HEATR6: variants seen among roughly 807,000 people sequenced by gnomAD.
HEATR6 encodes HEAT repeat-containing protein 6.
In HEATR6, 106 loss-of-function variants were observed where a neutral mutation model predicts 132.8. The ratio of observed to expected loss-of-function variants is 0.80; its 90% CI spans 0.68 to 0.94. The LOEUF (loss-of-function observed/expected upper bound fraction) is 0.94, where lower values mean the gene tolerates loss of function less well. HEATR6 is among the 40% of genes least tolerant of loss of function. The pLI is 0.00. For missense variants in HEATR6, 1,339 were observed against 1,425.1 expected (o/e 0.94, Z 0.97); for synonymous variants, 529 against 537.8 (o/e 0.98, Z 0.23).
Position 60,056,245 on chromosome 17 carries a change from G to A in HEATR6, c.2080-8C>T. On this transcript the variant is annotated splice_region_variant and splice_polypyrimidine_tract_variant and intron_variant, in intron 12 of 19. Transcript: ENST00000184956. ...TGCCAGAAGAGTCAATACCTGCAAA[G>A]AGAGCATGGAATTAACCCTCTAAGA... 1 of 1,612,548 alleles carries A rather than the reference G, an allele frequency of 6.2e-7. No individual in the cohort carries two copies. The highest frequency in any genetic ancestry group is 8.5e-7 in the Non-Finnish European group (1 of 1,179,386).
intron 11 of HEATR6, 84 bp from the exon 12 acceptor site, chr17:60,057,487 T>C (rs1055337711): frequency 1.1e-6 from 1 of 894,368 alleles, no homozygotes; most frequent in African/African-American, 1.7e-5. Context: ...AATTAAAAAT[T>C]AGTAGTTCCT....
chr17:60,041,448 T>C lies in HEATR6; in HGVS notation c.*2115A>G, dbSNP rs1906169787. Among the ~76,000 whole-genome samples the C allele has an allele frequency of 6.6e-6, 1 of 152,206 alleles. No homozygotes were observed. The highest frequency in any genetic ancestry group is 1.5e-5 in the Non-Finnish European group (1 of 68,042). ...ATAAGCTGTCTATGCCATATTTTTTTTTTCCTTTTTTGAAAATGCCAAGAA... is the reference window on the plus strand; with the variant it reads ...ATAAGCTGTCTATGCCATATTTTTTCTTTCCTTTTTTGAAAATGCCAAGAA... On this transcript the variant is annotated 3_prime_UTR_variant, in exon 20 of 20. Transcript: ENST00000184956.
chr17:60,076,742 G>A (rs2083299182), intron 1 of HEATR6: 1 of 152,676 alleles, frequency 6.5e-6, no homozygotes, highest in African/African-American at 2.4e-5. Context: ...AAAAGAATCA[G>A]TACGGTTTTG....
At chr17:60,067,248 C>A (rs569442171) in intron 8 of HEATR6, among the ~76,000 whole-genome samples, 186 bp downstream of exon 8, 39 of 126,896 alleles carry the variant, frequency 3.1e-4, no homozygotes, top group African/African-American at 1.2e-3. Flanking sequence ...CCAGCCTGGG[C>A]GACAGAGCGA....
At chr17:60,053,031 C>T (rs932536341) in intron 14 of HEATR6, among the ~76,000 whole-genome samples, 3 of 152,114 alleles carry the variant, frequency 2.0e-5, no homozygotes, top group Admixed American at 6.5e-5. Flanking sequence ...GGATGTGTGT[C>T]CCCTCCAAAT....
At chr17:60,067,162 C>T (rs1034466416) in intron 8 of HEATR6, among the ~76,000 whole-genome samples, 221 of 148,050 alleles carry the variant, frequency 1.5e-3, no homozygotes, top group African/African-American at 2.3e-3. Flanking sequence ...CCCAGCTACT[C>T]GGGAGGCTGA....
chr17:60,075,200 G>T (rs2083290312), intron 2 of HEATR6, among the ~76,000 whole-genome samples: 1 of 152,144 alleles, frequency 6.6e-6, no homozygotes, highest in Non-Finnish European at 1.5e-5. Flanking sequence ...CTTTGGCATG[G>T]GATGTCCAGA....
rs765911274 is a variant in HEATR6, at chr17:60,043,579, C to T, written c.3530G>A (p.Gly1177Glu). Residue 1177 changes from glycine (G) to glutamate (E), a missense_variant, in exon 20 of 20, where the codon GGG (glycine) becomes GAG (glutamate). Transcript: ENST00000184956. ...DSSGSQGALPGLTNQ is the reference protein window; with the variant it reads ...DSSGSQGALPELTNQ ...GTGGGATCTTCACTGATTTGTTAAC[C>T]CTGGGAGTGCCCCTTGTGATCCAGA... The T allele has an allele frequency of 1.2e-6, 2 of 1,612,298 alleles. No individual in the cohort carries two copies. Among genetic ancestry groups the T allele is most frequent in the Non-Finnish European group, 1.7e-6 (2 of 1,178,588 alleles).
At chr17:60,075,185 C>G (rs1383069729) in intron 2 of HEATR6, among the ~76,000 whole-genome samples, 1 of 152,192 alleles carries the variant, frequency 6.6e-6, no homozygotes. Flanking sequence ...GAACAGTAAT[C>G]ATTTCTTTGG....
intron 16 of HEATR6, 108 bp from the exon 17 acceptor site, chr17:60,048,496 C>T (rs1906447501): frequency 1.9e-6 from 2 of 1,075,020 alleles, no homozygotes; most frequent in Non-Finnish European, 1.3e-6. Flanking sequence ...CACATTTCTA[C>T]TTAGAAATAA....
At chr17:60,076,309 G>A in intron 1 of HEATR6, 72 bp from the exon 2 acceptor site, 2 of 757,992 alleles carry the variant, frequency 2.6e-6, no homozygotes, top group Middle Eastern at 2.4e-4. Context: ...ACAGCCAAAT[G>A]GGAAAATAAA....
At position 60,041,985 on chromosome 17, in the gene HEATR6, A is replaced by G. The variant is rs2145174450; in HGVS notation, c.*1578T>C. On this transcript the variant is annotated 3_prime_UTR_variant, in exon 20 of 20. Transcript: ENST00000184956. ...TTCCAATAAATCGTTGGTGCTCAGT[A>G]GAAAAATGCAAAATTTAAATATATA... Among the ~76,000 whole-genome samples the G allele has an allele frequency of 6.6e-6, 1 of 152,362 alleles. No homozygotes were observed. Among genetic ancestry groups the G allele is most frequent in the South Asian group, 2.1e-4 (1 of 4,830 alleles).
At chr17:60,048,933 A>C (rs1034860581) in intron 16 of HEATR6, among the ~76,000 whole-genome samples, 1 of 144,818 alleles carries the variant, frequency 6.9e-6, no homozygotes, top group African/African-American at 2.7e-5. Flanking sequence ...CTAAGGTCCC[A>C]GGCTGTGTGC....
Position 60,074,128 on chromosome 17 carries a change from A to G in HEATR6, c.328-242T>C, listed in dbSNP as rs570929076. On this transcript the variant is annotated intron_variant, in intron 2 of 19. Transcript: ENST00000184956. ...AAGTAGAACTTGATGAAGTCCTTGT[A>G]ACTTTTCCTTGAACTAACCAGACAT... 1.6e-5 allele frequency: 19 copies of G among 1,224,572 alleles called. No homozygotes were observed. In the East Asian group the frequency reaches 6.5e-4, roughly 42 times the overall value. The allele number at this position is 1,224,572 out of a possible 1,614,324, so 75.9% of individuals were successfully genotyped here.
intron 9 of HEATR6, among the ~76,000 whole-genome samples, chr17:60,061,262 C>G (rs955814026): frequency 1.3e-5 from 2 of 152,276 alleles, no homozygotes; most frequent in Middle Eastern, 3.4e-3. Flanking sequence ...CTCCAAACAA[C>G]CAGGTAATAA....
chr17:60,069,611 G>T, intron 7 of HEATR6, 100 bp downstream of exon 7: 1 of 1,113,106 alleles, frequency 9.0e-7, no homozygotes, highest in Non-Finnish European at 1.3e-6. Context: ...TAAAATTCAA[G>T]GTAGGCTTTT....
chr17:60,059,335 T>C (rs1338914506), intron 11 of HEATR6, 87 bp downstream of exon 11: 4 of 718,664 alleles, frequency 5.6e-6, no homozygotes, highest in Non-Finnish European at 9.1e-6. Context: ...GCTTTGAATA[T>C]ATACATATAT....
chr17:60,057,021 C>T, intron 12 of HEATR6, 27 bp downstream of exon 12: 1 of 1,503,544 alleles, frequency 6.7e-7, no homozygotes, highest in Admixed American at 2.0e-5. Context: ...ACTTCCATTT[C>T]AGAGATGAGG....
Position 60,060,089 on chromosome 17 carries a change from G to A in HEATR6, c.1424C>T (p.Ala475Val), listed in dbSNP as rs1360391085. ...GGCAGATAAAACTTGCAGAGCACAGGCACGTGTCTGAAATTTCGGGATGAT... is the reference window on the plus strand; with the variant it reads ...GGCAGATAAAACTTGCAGAGCACAGACACGTGTCTGAAATTTCGGGATGAT... ...TLKDPSPKTR[A>V]CALQVLSAIL... The change falls in exon 10 of 20, where the codon GCC (alanine) becomes GTC (valine). Residue 475 changes from alanine to valine, a missense_variant. Ala to Val is a moderately conservative substitution (Grantham distance 64). Transcript: ENST00000184956. 1 of 1,613,094 alleles carries A rather than the reference G, an allele frequency of 6.2e-7. No individual in the cohort carries two copies. The highest frequency in any genetic ancestry group is 1.3e-5 in the African/African-American group (1 of 74,892).
Sources: allele counts gnomAD v4.1 joint callset (sites outside exome capture counted in the v4.1 genomes callset), GRCh38; gene constraint gnomAD v4.1.1; transcripts MANE v1.5; gene names NCBI Gene and HGNC (gene_info 2026-07-23, HGNC 2026-07-21).